VPS13A: variants seen among roughly 807,000 people sequenced by gnomAD.
The protein encoded by VPS13A is vacuolar protein sorting 13 homolog A, also known as intermembrane lipid transfer protein VPS13A.
VPS13A carries 264 observed loss-of-function variants against 390.9 expected under a neutral mutation model. The ratio of observed to expected loss-of-function variants is 0.68; its 90% CI spans 0.61 to 0.75. The LOEUF is 0.75. Ranked by LOEUF, VPS13A falls within the 30% of genes least tolerant of loss-of-function variation. VPS13A has a pLI of 0.00. For missense variants in VPS13A, 3,409 were observed against 3,733.9 expected (o/e 0.91, Z 2.27); for synonymous variants, 1,231 against 1,227.1 (o/e 1.00, Z -0.07).
chr9:77,411,660 C>CAAAAAAAAAAAAAAAAAA lies in VPS13A; in HGVS notation c.9474+4061_9474+4078dup, dbSNP rs1169254413. On this transcript the variant is annotated intron_variant, in intron 71 of 71. Transcript: ENST00000360280. ...CCTAGGCAACAGCAAAACTCCATCT[C>CAAAAAAAAAAAAAAAAAA]AAAAAAAAAAAAAAAAAAAAAAAAA... Among the ~76,000 whole-genome samples, 35 of 33,918 alleles carry CAAAAAAAAAAAAAAAAAA rather than the reference C, an allele frequency of 1.0e-3. 2 individuals are homozygous for CAAAAAAAAAAAAAAAAAA. Among genetic ancestry groups the CAAAAAAAAAAAAAAAAAA allele is most frequent in the East Asian group, 2.4e-3 (3 of 1,248 alleles). The allele number at this position is 33,918 out of a possible 152,430, so 22.3% of individuals were successfully genotyped here.
At chr9:77,382,852 C>G in intron 68 of VPS13A, 1 of 985,390 alleles carries the variant, frequency 1.0e-6, no homozygotes, top group Non-Finnish European at 1.2e-6. Context: ...AAGTTAGAAT[C>G]TGCTTAGACA....
intron 1 of VPS13A, among the ~76,000 whole-genome samples, chr9:77,188,510 C>T (rs1824480409): frequency 6.6e-6 from 1 of 152,154 alleles, no homozygotes; most frequent in Non-Finnish European, 1.5e-5. Context: ...TTTATCCAGT[C>T]CACTGTTGAC....
intron 1 of VPS13A, among the ~76,000 whole-genome samples, chr9:77,185,555 G>A (rs796430378): frequency 6.6e-6 from 1 of 152,144 alleles, no homozygotes; most frequent in Non-Finnish European, 1.5e-5. Context: ...GGTTATCTAA[G>A]GGTTCTGTGT....
rs375729203 is a variant in VPS13A at position 77,364,749 on chromosome 9, T to C, written c.8212-711T>C. Among the ~76,000 whole-genome samples, 7 of 152,342 alleles carry C rather than the reference T, an allele frequency of 4.6e-5. No individual in the cohort carries two copies. In the East Asian group the frequency reaches 1.2e-3, roughly 25 times the overall value. On this transcript the variant is annotated intron_variant, in intron 59 of 71. Transcript: ENST00000360280. ...CTTAAATAGATGTTTCTTCATTTGC[T>C]TATGACCTTAAAACCATTCCTAGAG...
intron 5 of VPS13A, among the ~76,000 whole-genome samples, chr9:77,208,853 T>G (rs1825818976): frequency 6.6e-6 from 1 of 152,150 alleles, no homozygotes; most frequent in Non-Finnish European, 1.5e-5. Flanking sequence ...CCCCTCCAAT[T>G]CTTGATTCTT....
chr9:77,406,051 T>TTTTA (rs1834589306), intron 70 of VPS13A, 64 bp downstream of exon 70: 10 of 1,596,322 alleles, frequency 6.3e-6, no homozygotes, highest in East Asian at 4.5e-5. Context: ...AAGTAGTCCT[T>TTTTA]TTTATTTGTA....
rs141907906 is a variant in VPS13A at position 77,238,044 on chromosome 9, A to C, written c.1638A>C (p.Pro546=). 2.2e-5 allele frequency: 35 copies of C among 1,613,142 alleles called. No homozygotes were observed. In the African/African-American group the frequency reaches 4.0e-4, roughly 18 times the overall value. Residue 546 remains proline (P), a synonymous_variant, in exon 18 of 72, where the codon CCA becomes CCC. Coordinates refer to ENST00000360280, the MANE Select transcript of VPS13A (RefSeq NM_033305.3). ...KIDSFHITGL[P]DNSEKPRLLS... ...ATTCATTTCATATTACTGGCTTACCAGATAATTCAGAAAAACCCCGCCTCC... is the reference window on the plus strand; with the variant it reads ...ATTCATTTCATATTACTGGCTTACCCGATAATTCAGAAAAACCCCGCCTCC...
At chr9:77,368,026 C>T (rs1057172616) in intron 61 of VPS13A, 29 bp from the exon 62 acceptor site, 9 of 1,579,430 alleles carry the variant, frequency 5.7e-6, no homozygotes, top group Admixed American at 1.7e-5. Context: ...TACACATGTA[C>T]AGACAATATA....
chr9:77,380,153 G>A (rs1833349252), intron 67 of VPS13A, among the ~76,000 whole-genome samples: 2 of 151,686 alleles, frequency 1.3e-5, no homozygotes, highest in Non-Finnish European at 1.5e-5. Context: ...TCTGACATTA[G>A]CATGGCCACT....
intron 46 of VPS13A, 66 bp downstream of exon 46, chr9:77,332,179 C>A: frequency 7.8e-7 from 1 of 1,282,746 alleles, no homozygotes; most frequent in Non-Finnish European, 1.1e-6. Flanking sequence ...TCTGATTTCA[C>A]ATGGATAACT....
chr9:77,270,394 T>C (rs187612367), intron 23 of VPS13A, among the ~76,000 whole-genome samples: 1 of 152,306 alleles, frequency 6.6e-6, no homozygotes, highest in East Asian at 1.9e-4. Context: ...AGTGATGAAG[T>C]TGGATATTTA....
intron 7 of VPS13A, chr9:77,211,363 TGA>T (rs1177956630): frequency 6.6e-6 from 1 of 152,158 alleles, no homozygotes; most frequent in East Asian, 1.9e-4. Context: ...GCGTTTTATA[TGA>T]CTCTTTTATG....
chr9:77,267,892 C>A (rs1826126915), intron 23 of VPS13A, among the ~76,000 whole-genome samples: 1 of 152,230 alleles, frequency 6.6e-6, no homozygotes, highest in South Asian at 2.1e-4. Flanking sequence ...GAGAGGCAGT[C>A]TGGCTACAGT....
At chr9:77,188,981 G>T (rs1342515111) in intron 1 of VPS13A, among the ~76,000 whole-genome samples, 1 of 151,738 alleles carries the variant, frequency 6.6e-6, no homozygotes, top group African/African-American at 2.4e-5. Flanking sequence ...CTGCTTGTTT[G>T]TTTAAGTTCC....
chr9:77,334,893 C>A (rs950280547), intron 46 of VPS13A, among the ~76,000 whole-genome samples: 1 of 152,120 alleles, frequency 6.6e-6, no homozygotes, highest in Non-Finnish European at 1.5e-5. Context: ...ATGCTTCAGT[C>A]AGGTAAGAAG....
chr9:77,207,680 G>T (rs191201420), intron 5 of VPS13A, among the ~76,000 whole-genome samples: 1 of 152,194 alleles, frequency 6.6e-6, no homozygotes, highest in Admixed American at 6.6e-5. Flanking sequence ...ACTAGGGTGG[G>T]AAAGGGATGT....
At chr9:77,360,370 T>G (rs1422070722) in intron 58 of VPS13A, among the ~76,000 whole-genome samples, 166 bp from the exon 59 acceptor site, 1 of 152,144 alleles carries the variant, frequency 6.6e-6, no homozygotes, top group Non-Finnish European at 1.5e-5. Flanking sequence ...ATTTTGACTT[T>G]GTTGCTGTTA....
chr9:77,340,034 C>A, intron 48 of VPS13A, 123 bp downstream of exon 48: 1 of 1,376,628 alleles, frequency 7.3e-7, no homozygotes, highest in Non-Finnish European at 1.0e-6. Context: ...TATTTGAGGC[C>A]AAAAAGATTA....
intron 17 of VPS13A, 30 bp from the exon 18 acceptor site, chr9:77,237,972 G>A (rs28684934): frequency 1.8e-5 from 27 of 1,507,064 alleles, no homozygotes; most frequent in East Asian, 1.4e-4. Flanking sequence ...TTTACTGATC[G>A]CTGACTTTTT....
Sources: gnomAD v4.1 joint callset for allele counts (sites outside exome capture counted in the v4.1 genomes callset) on GRCh38, gnomAD v4.1.1 for gene constraint, MANE v1.5 for transcripts, NCBI Gene and HGNC (gene_info 2026-07-23, HGNC 2026-07-21) for gene names.